The following ADARB2 variants were observed in gnomAD, a reference collection of about 807,000 sequenced individuals.
The protein encoded by ADARB2 is inactive double-stranded RNA-specific editase B2.
ADARB2 carries 25 observed loss-of-function variants against 62.2 expected under a neutral mutation model. That is an observed-to-expected ratio of 0.40 (90% CI 0.29 to 0.56). The LOEUF (loss-of-function observed/expected upper bound fraction) is 0.56, where lower values mean the gene tolerates loss of function less well. Ranked by LOEUF, ADARB2 falls within the 20% of genes least tolerant of loss-of-function variation. The pLI is 0.43. For synonymous variants in ADARB2, 572 were observed against 500.8 expected (o/e 1.14, Z -1.90); for missense variants, 1,071 against 1,077.4 (o/e 0.99, Z 0.08).
chr10:1,469,898 T>A (rs1487055800), intron 1 of ADARB2, among the ~76,000 whole-genome samples: 2 of 152,122 alleles, frequency 1.3e-5, no homozygotes, highest in African/African-American at 4.8e-5. Flanking sequence ...AACAATCAGG[T>A]CTTGGAGACA....
chr10:1,468,099 G>A (rs1831275202), intron 1 of ADARB2, among the ~76,000 whole-genome samples: 1 of 152,148 alleles, frequency 6.6e-6, no homozygotes, highest in South Asian at 2.1e-4. Context: ...ACATTGTCAG[G>A]ATCAACCTGT....
intron 3 of ADARB2, among the ~76,000 whole-genome samples, chr10:1,327,408 C>G (rs1477911572): frequency 2.1e-5 from 2 of 93,396 alleles, no homozygotes; most frequent in African/African-American, 9.3e-5. Context: ...ACAGCGCCTC[C>G]CCACTGCCCA....
chr10:1,678,418 C>G (rs566431122), intron 1 of ADARB2: 1 of 818,718 alleles, frequency 1.2e-6, no homozygotes, highest in Non-Finnish European at 1.5e-6. Flanking sequence ...TGCGCACCTT[C>G]CCTTTCAGCA....
At chr10:1,532,476 C>T (rs78944308) in intron 1 of ADARB2, among the ~76,000 whole-genome samples, 3,589 of 152,200 alleles carry the variant, frequency 0.024, 141 homozygotes, top group African/African-American at 0.081. Flanking sequence ...GTGGCCCGTC[C>T]CTGTGTCCTT....
chr10:1,677,991 C>T (rs908871441), intron 1 of ADARB2, among the ~76,000 whole-genome samples: 2 of 152,224 alleles, frequency 1.3e-5, no homozygotes, highest in Non-Finnish European at 2.9e-5. Flanking sequence ...ATGCTTTTTC[C>T]TCCAATTCTT....
intron 5 of ADARB2, among the ~76,000 whole-genome samples, chr10:1,241,596 GGACAGGAGGCTGCCCCAT>G (rs1830924662): frequency 6.6e-6 from 1 of 152,170 alleles, no homozygotes; most frequent in Non-Finnish European, 1.5e-5. Context: ...AGTGTCTCAG[GGACAGGAGGCTGCCCCAT>G]GACAGCCACC....
chr10:1,270,179 T>C (rs1831247102), intron 4 of ADARB2, among the ~76,000 whole-genome samples: 1 of 152,176 alleles, frequency 6.6e-6, no homozygotes, highest in African/African-American at 2.4e-5. Context: ...ACCATGCCAG[T>C]CATTTGGTCC....
intron 1 of ADARB2, among the ~76,000 whole-genome samples, chr10:1,727,443 G>A (rs755092843): frequency 4.6e-5 from 7 of 152,056 alleles, no homozygotes; most frequent in Non-Finnish European, 8.8e-5. Flanking sequence ...AGCCTCCCCC[G>A]AAAATGTTCC....
Position 1,707,396 on chromosome 10 carries a change from A to G in ADARB2, c.100+29655T>C, listed in dbSNP as rs1454164690. On this transcript the variant is annotated intron_variant, in intron 1 of 9. Transcript: ENST00000381312. The stretch of plus-strand genomic sequence containing the variant: ...GTGAACGTTTGTCTGCCCCAGTGAG[A>G]GCTCATCTTAATCTTGATTTGTAGC... Among the ~76,000 whole-genome samples, 3 of 152,252 alleles carry G rather than the reference A, an allele frequency of 2.0e-5. No individual in the cohort carries two copies. In the East Asian group the frequency reaches 5.8e-4, roughly 29 times the overall value.
chr10:1,311,509 T>C (rs928798954), intron 3 of ADARB2, among the ~76,000 whole-genome samples: 3 of 152,236 alleles, frequency 2.0e-5, no homozygotes, highest in African/African-American at 4.8e-5. Context: ...TTGTTTAATA[T>C]CTGAGTACAC....
intron 1 of ADARB2, among the ~76,000 whole-genome samples, chr10:1,553,981 G>T (rs569382207): frequency 6.6e-6 from 1 of 152,326 alleles, no homozygotes; most frequent in East Asian, 1.9e-4. Flanking sequence ...AAGTCGGCTG[G>T]TGGAGGCTGT....
chr10:1,531,184 A>T (rs892674323), intron 1 of ADARB2, among the ~76,000 whole-genome samples: 1 of 152,174 alleles, frequency 6.6e-6, no homozygotes, highest in Non-Finnish European at 1.5e-5. Flanking sequence ...CCACGCAGGC[A>T]GTGGGCAGAG....
At chr10:1,312,673 A>G (rs1278816271) in intron 3 of ADARB2, among the ~76,000 whole-genome samples, 1 of 152,140 alleles carries the variant, frequency 6.6e-6, no homozygotes, top group Non-Finnish European at 1.5e-5. Flanking sequence ...GGGGAGGAAA[A>G]AGACGCAGGG....
At position 1,362,695 on chromosome 10, in the gene ADARB2, C is replaced by A. The variant is rs1023146679; in HGVS notation, c.1077+333G>T. On this transcript the variant is annotated intron_variant, in intron 3 of 9. Transcript: ENST00000381312. ...AACTTGACCCCAATTTTACCCGGCA[C>A]GACCATCCGACCCTACGCGTGGAGA... 9.2e-5 allele frequency among the ~76,000 whole-genome samples: 14 copies of A among 152,292 alleles called. 1 individual carries two copies. Among genetic ancestry groups the A allele is most frequent in the African/African-American group, 3.4e-4 (14 of 41,568 alleles).
intron 6 of ADARB2, among the ~76,000 whole-genome samples, chr10:1,218,424 T>C (rs1019017281): frequency 2.0e-5 from 3 of 152,228 alleles, no homozygotes; most frequent in Admixed American, 6.5e-5. Context: ...GAATTATATA[T>C]AAAATAGTAT....
rs534127703 is a variant in ADARB2 at position 1,374,813 on chromosome 10, C to T, written c.187+4261G>A. 2.6e-5 allele frequency among the ~76,000 whole-genome samples: 4 copies of T among 152,352 alleles called. No individual in the cohort carries two copies. In the East Asian group the frequency reaches 5.8e-4, roughly 22 times the overall value. ...CGGGAGTTAGTCAGGCAGCGCGCCA[C>T]GCTACATTGGAAGAGATAATGTTGC... On this transcript the variant is annotated intron_variant, in intron 2 of 9. Transcript: ENST00000381312.
intron 2 of ADARB2, among the ~76,000 whole-genome samples, chr10:1,376,140 T>A (rs1249408675): frequency 1.3e-5 from 2 of 152,294 alleles, no homozygotes; most frequent in East Asian, 3.9e-4. Flanking sequence ...GGATTACAAA[T>A]GGATAAGGCC....
chr10:1,615,639 C>A (rs554882964), intron 1 of ADARB2, among the ~76,000 whole-genome samples: 6 of 152,324 alleles, frequency 3.9e-5, no homozygotes, highest in African/African-American at 1.4e-4. Flanking sequence ...TTTCTTCCAC[C>A]CCCAGGACTT....
At chr10:1,376,810 C>A (rs2131858601) in intron 2 of ADARB2, among the ~76,000 whole-genome samples, 1 of 147,406 alleles carries the variant, frequency 6.8e-6, no homozygotes, top group East Asian at 2.0e-4. Context: ...AAACAGTGAA[C>A]TTCCCCTTCC....
Sources: gnomAD v4.1 joint callset for allele counts (sites outside exome capture counted in the v4.1 genomes callset) on GRCh38, gnomAD v4.1.1 for gene constraint, MANE v1.5 for transcripts, NCBI Gene and HGNC (gene_info 2026-07-23, HGNC 2026-07-21) for gene names.